HSPA8: variants seen among roughly 807,000 people sequenced by gnomAD.
HSPA8 encodes the protein heat shock protein family A (Hsp70) member 8.
A neutral mutation model predicts 52.8 loss-of-function variants in HSPA8; 2 were observed. The ratio of observed to expected loss-of-function variants is 0.04; its 90% CI spans 0.02 to 0.12. HSPA8 has a LOEUF of 0.12. HSPA8 is among the 10% of genes least tolerant of loss of function. The pLI, the probability that HSPA8 is intolerant of heterozygous loss-of-function variation, is 1.00. For synonymous variants in HSPA8, 436 were observed against 274.0 expected (o/e 1.59, Z -5.84); for missense variants, 349 against 800.5 (o/e 0.44, Z 6.81).
chr11:123,057,761 T>C lies in HSPA8; in HGVS notation c.1914A>G (p.Ser638=). Residue 638 remains serine (S), a synonymous_variant, in exon 9 of 9, where the codon TCA becomes TCG. Coordinates refer to ENST00000534624, the MANE Select transcript of HSPA8 (RefSeq NM_006597.6). ...GGAPPSGGAS[S]GPTIEEVD ...AATCAACCTCTTCAATGGTGGGCCC[T>C]GAGGAAGCACCACCAGAGGGAGGAG... 6.2e-7 allele frequency: 1 copy of C among 1,613,012 alleles called. No homozygotes were observed. The highest frequency in any genetic ancestry group is 1.1e-5 in the South Asian group (1 of 90,980).
intron 1 of HSPA8, 178 bp from the exon 2 acceptor site, chr11:123,061,507 G>A (rs1443685871): frequency 6.5e-6 from 4 of 610,714 alleles, no homozygotes; most frequent in Non-Finnish European, 1.2e-5. Flanking sequence ...AGGTTGCCGT[G>A]CCAACCGCAG....
Position 123,060,230 on chromosome 11 carries a change from A to G in HSPA8, c.450T>C (p.Phe150=), listed in dbSNP as rs1314855861. 8.1e-6 allele frequency: 13 copies of G among 1,613,976 alleles called. No individual in the cohort carries two copies. The highest frequency in any genetic ancestry group is 2.2e-5 in the South Asian group (2 of 91,080). The change falls in exon 4 of 9, where the codon TTT becomes TTC. Residue 150 remains phenylalanine (F), a synonymous_variant. Coordinates refer to ENST00000534624, the MANE Select transcript of HSPA8 (RefSeq NM_006597.6). ...TGGTAGCCTGACGCTGAGAGTCATT[A>G]AAGTAAGCTGGCACTGTGACCACAG... The part of the protein sequence containing the change: ...TNAVVTVPAY[F]NDSQRQATKD...
In HSPA8 at chr11:123,060,733, G is replaced by T; in HGVS notation, c.271C>A (p.Pro91Thr). Residue 91 changes from proline (P) to threonine (T), a missense_variant, in exon 3 of 9, where the codon CCC becomes ACC. By Grantham distance (38) the Pro-to-Thr change is conservative (BLOSUM62 -1). Transcript: ENST00000534624. ...AVVQSDMKHWPFMVVNDAGRP... is the reference protein window; with the variant it reads ...AVVQSDMKHWTFMVVNDAGRP... ...CCAGCATCATTCACCACCATAAAGG[G>T]CCAATGTTTCATATCAGACTGGACA... is the stretch of plus-strand genomic sequence containing the variant. 6.2e-7 allele frequency: 1 copy of T among 1,613,920 alleles called. No individual in the cohort carries two copies. The highest frequency in any genetic ancestry group is 8.5e-7 in the Non-Finnish European group (1 of 1,179,974).
In HSPA8 at chr11:123,059,146, G is replaced by T. The variant is rs371408292; in HGVS notation, c.1236C>A (p.Val412=). 2 of 1,612,048 alleles carry T rather than the reference G, an allele frequency of 1.2e-6. No homozygotes were observed. Among genetic ancestry groups the T allele is most frequent in the Admixed American group, 1.7e-5 (1 of 60,020 alleles). Reference sequence around the variant, plus strand: ...GAATGGTGGTATTACGCTTGATGAGGACAGTCATGACTCCACCAGCAGTTT... The same window carrying T: ...GAATGGTGGTATTACGCTTGATGAGTACAGTCATGACTCCACCAGCAGTTT... ...GIETAGGVMT[V]LIKRNTTIPT... is the part of the protein sequence containing the mutation. Residue 412 remains valine, a synonymous_variant, in exon 6 of 9, where the codon GTC becomes GTA. Transcript: ENST00000534624.
At chr11:123,059,384 T>C in intron 5 of HSPA8, 89 bp downstream of exon 5, 1 of 1,402,732 alleles carries the variant, frequency 7.1e-7, no homozygotes. Context: ...AAGCTTTTGG[T>C]GGAAACTACG....
chr11:123,059,282 G>A lies in HSPA8; in HGVS notation c.1121-21C>T, dbSNP rs755322295. ...GACAGCTAGCAAACAAAAAGTTAACGTTAAAAGAAGTTAAAAGAAAACCCA... is the reference window on the plus strand; with the variant it reads ...GACAGCTAGCAAACAAAAAGTTAACATTAAAAGAAGTTAAAAGAAAACCCA... On this transcript the variant is annotated intron_variant, in intron 5 of 8. Coordinates refer to ENST00000534624, the MANE Select transcript of HSPA8 (RefSeq NM_006597.6). The A allele has an allele frequency of 3.7e-5, 59 of 1,576,852 alleles. No homozygotes were observed. In the Admixed American group the frequency reaches 4.6e-4, roughly 12 times the overall value.
intron 2 of HSPA8, 130 bp from the exon 3 acceptor site, chr11:123,060,928 T>C: frequency 2.1e-6 from 2 of 932,542 alleles, no homozygotes; most frequent in South Asian, 3.2e-5. Context: ...TAGCAAAGGT[T>C]CAAACTTCAA....
At chr11:123,062,337 A>C (rs1489411455), upstream of HSPA8, 1 of 152,414 alleles carries the variant, frequency 6.6e-6, no homozygotes, top group South Asian at 2.1e-4. Flanking sequence ...CCTCACGATA[A>C]CGCACTCACC....
chr11:123,058,210 CCATT>C (rs1865369813), intron 8 of HSPA8, 38 bp downstream of exon 8: 3 of 1,214,834 alleles, frequency 2.5e-6, no homozygotes, highest in Non-Finnish European at 3.6e-6. Context: ...CCCTTCCCCT[CCATT>C]GAGTGGGGGA....
At chr11:123,060,519 G>A in intron 3 of HSPA8, 74 bp downstream of exon 3, 2 of 1,173,636 alleles carry the variant, frequency 1.7e-6, no homozygotes, top group Non-Finnish European at 2.5e-6. Context: ...CCCTCGCCAG[G>A]TGCCAGTGCC....
At chr11:123,058,508 TAA>T in intron 7 of HSPA8, 24 bp from the exon 8 acceptor site, 1 of 1,605,472 alleles carries the variant, frequency 6.2e-7, no homozygotes, top group Non-Finnish European at 8.5e-7. Context: ...TAACTCTAAG[TAA>T]AAGCCTTAAA....
chr11:123,061,378 T>C, intron 1 of HSPA8, 49 bp from the exon 2 acceptor site: 1 of 1,382,866 alleles, frequency 7.2e-7, no homozygotes. Flanking sequence ...TCAAAATATT[T>C]CCCTCATCCC....
Position 123,059,720 on chromosome 11 carries a change from G to T in HSPA8, c.873C>A (p.Ile291=). Residue 291 remains isoleucine (I), a synonymous_variant, in exon 5 of 9, where the codon ATC becomes ATA. Coordinates refer to ENST00000534624, the MANE Select transcript of HSPA8 (RefSeq NM_006597.6). ...SIEIDSLYEG[I]DFYTSITRAR... The stretch of plus-strand genomic sequence containing the variant: ...CACGGGTAATGGAGGTATAGAAGTC[G>T]ATTCCTTCATAGAGAGAATCGATCT... The T allele has an allele frequency of 6.2e-7, 1 of 1,613,874 alleles. No individual in the cohort carries two copies. The highest frequency in any genetic ancestry group is 8.5e-7 in the Non-Finnish European group (1 of 1,179,838).
intron 3 of HSPA8, 149 bp downstream of exon 3, chr11:123,060,444 T>C: frequency 1.1e-6 from 1 of 885,964 alleles, no homozygotes; most frequent in Non-Finnish European, 1.8e-6. Flanking sequence ...CCCATCTACC[T>C]AGAGAGCCTA....
intron 3 of HSPA8, 155 bp downstream of exon 3, chr11:123,060,438 T>C (rs566906168): frequency 2.2e-6 from 2 of 901,614 alleles, no homozygotes; most frequent in East Asian, 2.4e-5. Context: ...GACAGACCCA[T>C]CTACCTAGAG....
rs752022565 is a variant in HSPA8 at position 123,057,834 on chromosome 11, G to A, written c.1841C>T (p.Ala614Val). The A allele has an allele frequency of 3.7e-6, 6 of 1,613,598 alleles. No homozygotes were observed. The highest frequency in any genetic ancestry group is 5.1e-6 in the Non-Finnish European group (6 of 1,179,672). ...AGGCATTCCTCCTGGCATGCCTCCT[G>A]CACTCTGGTACAGCTTGGTGATGAT... ...NPIITKLYQS[A>V]GGMPGGMPGG... The change falls in exon 9 of 9, where the codon GCA becomes GTA. Residue 614 changes from alanine (A) to valine (V), a missense_variant. Ala to Val is a moderately conservative substitution (Grantham distance 64). Transcript: ENST00000534624.
intron 6 of HSPA8, 64 bp from the exon 7 acceptor site, chr11:123,058,894 G>T (rs879653768): frequency 2.0e-6 from 3 of 1,505,504 alleles, no homozygotes; most frequent in Admixed American, 1.7e-5. Flanking sequence ...CTAGGGTCCT[G>T]CTAAGGAAGA....
At chr11:123,061,014 C>T in intron 2 of HSPA8, 106 bp downstream of exon 2, 1 of 1,013,664 alleles carries the variant, frequency 9.9e-7, no homozygotes, top group Non-Finnish European at 1.5e-6. Flanking sequence ...ACAAGTCTCT[C>T]AGCTCAGTTT....
Position 123,059,507 on chromosome 11 carries a change from G to A in HSPA8, c.1086C>T (p.Ser362=), listed in dbSNP as rs748958068. ...AAGCAACAGCTTCATCAGGGTTGAT[G>A]CTCTTATTCAGTTCTTTTCCATTGA... ...DFFNGKELNK[S]INPDEAVAYG... Residue 362 remains serine (S), a synonymous_variant, in exon 5 of 9, where the codon AGC becomes AGT. Coordinates refer to ENST00000534624, the MANE Select transcript of HSPA8 (RefSeq NM_006597.6). 10 of 1,613,942 alleles carry A rather than the reference G, an allele frequency of 6.2e-6. No homozygotes were observed. The East Asian group carries it at 2.0e-4, about 32-fold the overall frequency.
Sources: allele counts gnomAD v4.1 joint callset, GRCh38; gene constraint gnomAD v4.1.1; transcripts MANE v1.5; gene names NCBI Gene and HGNC (gene_info 2026-07-23, HGNC 2026-07-21).